C9orf153: variants seen among roughly 807,000 people sequenced by gnomAD.
C9orf153 encodes chromosome 9 open reading frame 153.
Under a neutral mutation model 9.0 loss-of-function variants are expected in C9orf153, and 10 were observed. The ratio of observed to expected loss-of-function variants is 1.11; its 90% confidence interval spans 0.69 to 1.89. The LOEUF is 1.89. Among genes scored for constraint, C9orf153 ranks in the 40% most tolerant of loss-of-function variants. C9orf153 has a pLI of 0.00. For missense variants in C9orf153, 108 were observed against 111.0 expected, an observed-to-expected ratio of 0.97 and a Z score of 0.12; for synonymous variants, 35 against 37.3, an observed-to-expected ratio of 0.94 and a Z score of 0.23.
At chr9:86,225,362 CCTT>C (rs1219710460) in intron 3 of C9orf153, among the ~76,000 whole-genome samples, 2 of 150,568 alleles carry the variant, frequency 1.3e-5, no homozygotes, top group African/African-American at 2.4e-5. Flanking sequence ...TTCCTTCCTT[CCTT>C]CTTTCTTTCC....
intron 1 of C9orf153, among the ~76,000 whole-genome samples, chr9:86,254,041 A>C (rs1433438444): frequency 6.8e-6 from 1 of 146,358 alleles, no homozygotes; most frequent in Non-Finnish European, 1.5e-5. Flanking sequence ...CAGTGAGCCG[A>C]GATTGCGCCA....
At chr9:86,245,588 G>C (rs1331915052) in intron 1 of C9orf153, among the ~76,000 whole-genome samples, 1 of 152,110 alleles carries the variant, frequency 6.6e-6, no homozygotes, top group Non-Finnish European at 1.5e-5. Context: ...CTCCATTGTG[G>C]GTTGCACGCT....
chr9:86,237,222 A>G (rs1824616393), intron 1 of C9orf153, among the ~76,000 whole-genome samples: 1 of 152,210 alleles, frequency 6.6e-6, no homozygotes, highest in Non-Finnish European at 1.5e-5. Context: ...GAATCATATA[A>G]AATGGCCTAT....
chr9:86,237,455 A>C (rs1373879174), intron 1 of C9orf153, among the ~76,000 whole-genome samples: 1 of 151,826 alleles, frequency 6.6e-6, no homozygotes, highest in Non-Finnish European at 1.5e-5. Context: ...ACACACTGTT[A>C]TTTACTTTTT....
intron 1 of C9orf153, among the ~76,000 whole-genome samples, chr9:86,254,516 G>T (rs1464693516): frequency 6.6e-6 from 1 of 152,152 alleles, no homozygotes; most frequent in Non-Finnish European, 1.5e-5. Context: ...TTGAACACCT[G>T]ATTTGAACTA....
At chr9:86,238,635 A>G (rs2131189604) in intron 1 of C9orf153, among the ~76,000 whole-genome samples, 1 of 152,308 alleles carries the variant, frequency 6.6e-6, no homozygotes, top group South Asian at 2.1e-4. Flanking sequence ...TTGCAGTGGA[A>G]CTTTTACTTT....
intron 1 of C9orf153, among the ~76,000 whole-genome samples, chr9:86,247,966 C>A (rs112190722): frequency 6.6e-6 from 1 of 152,264 alleles, no homozygotes; most frequent in East Asian, 1.9e-4. Flanking sequence ...AGGCTCTGCA[C>A]GCATTGGTGG....
chr9:86,253,033 G>A (rs1254329035), intron 1 of C9orf153, among the ~76,000 whole-genome samples: 1 of 151,574 alleles, frequency 6.6e-6, no homozygotes, highest in Admixed American at 6.6e-5. Context: ...ACACTTTTGT[G>A]AGAAAAACTG....
intron 2 of C9orf153, 61 bp from the exon 3 acceptor site, chr9:86,228,091 AC>A: frequency 8.1e-7 from 1 of 1,232,090 alleles, no homozygotes; most frequent in Non-Finnish European, 1.1e-6. Flanking sequence ...ATTCTGGCAG[AC>A]CTACAAACCC....
chr9:86,253,844 CCCT>C (rs1825047390), intron 1 of C9orf153, among the ~76,000 whole-genome samples: 2 of 152,160 alleles, frequency 1.3e-5, no homozygotes, highest in Non-Finnish European at 2.9e-5. Context: ...GTAATCCCAG[CCCT>C]TTGGGAGGCC....
intron 3 of C9orf153, 98 bp downstream of exon 3, chr9:86,227,757 T>A (rs1192483884): frequency 1.3e-6 from 2 of 1,482,704 alleles, no homozygotes; most frequent in East Asian, 4.7e-5. Context: ...TGCTGGGACC[T>A]GGAGAGCCTC....
In C9orf153 at chr9:86,249,449, C is replaced by T. The variant is rs74808395; in HGVS notation, c.-27+10101G>A. On this transcript the variant is annotated intron_variant, in intron 1 of 3. Transcript: ENST00000339137. ...TTCTTCTTCATGTATATATACAATA[C>T]GTATCAAAAGCAGTAAACTAGCTCA... is the stretch of plus-strand genomic sequence containing the variant. Among the ~76,000 whole-genome samples, 1,390 of 151,948 alleles carry T rather than the reference C, an allele frequency of 9.1e-3. 24 individuals carry two copies. The highest frequency in any genetic ancestry group is 0.048 in the East Asian group (251 of 5,180).
At chr9:86,236,657 G>A (rs1390599090) in intron 1 of C9orf153, among the ~76,000 whole-genome samples, 2 of 151,692 alleles carry the variant, frequency 1.3e-5, no homozygotes, top group African/African-American at 2.4e-5. Context: ...TGTTAAAGAA[G>A]TTCTTCAGAG....
At chr9:86,229,312 G>A (rs530208165) in intron 2 of C9orf153, among the ~76,000 whole-genome samples, 189 of 150,482 alleles carry the variant, frequency 1.3e-3, no homozygotes, top group African/African-American at 4.4e-3. Flanking sequence ...TCTTTATAAC[G>A]AATTATACAA....
intron 2 of C9orf153, among the ~76,000 whole-genome samples, chr9:86,228,358 C>T (rs1420982525): frequency 1.3e-5 from 2 of 152,146 alleles, no homozygotes; most frequent in Admixed American, 6.5e-5. Flanking sequence ...TGAGTGACCA[C>T]GGAGAGAAAT....
chr9:86,251,637 A>C (rs1212314574), intron 1 of C9orf153, among the ~76,000 whole-genome samples: 1 of 152,040 alleles, frequency 6.6e-6, no homozygotes, highest in African/African-American at 2.4e-5. Context: ...GTTTTTTTTA[A>C]TTAAAGGAAT....
chr9:86,240,778 G>C (rs1275500612), intron 1 of C9orf153, among the ~76,000 whole-genome samples: 1 of 132,100 alleles, frequency 7.6e-6, no homozygotes, highest in African/African-American at 2.7e-5. Flanking sequence ...GTATGACCTT[G>C]GCTCACTGCA....
chr9:86,237,932 T>A (rs1824636916), intron 1 of C9orf153, among the ~76,000 whole-genome samples: 1 of 151,802 alleles, frequency 6.6e-6, no homozygotes, highest in African/African-American at 2.4e-5. Context: ...CGTAAAAAAA[T>A]TAGCCAGGTG....
intron 1 of C9orf153, among the ~76,000 whole-genome samples, chr9:86,255,657 A>G (rs989989985): frequency 2.6e-5 from 4 of 152,182 alleles, no homozygotes; most frequent in Admixed American, 2.0e-4. Flanking sequence ...CTGAGCTCCC[A>G]TTCTCTTCGT....
Sources: allele counts gnomAD v4.1 joint callset (sites outside exome capture counted in the v4.1 genomes callset), GRCh38; gene constraint gnomAD v4.1.1; transcripts MANE v1.5; gene names NCBI Gene and HGNC (gene_info 2026-07-23, HGNC 2026-07-21).